The following CADPS variants were observed in gnomAD, a reference collection of about 807,000 sequenced individuals.
CADPS encodes calcium dependent secretion activator.
In CADPS, 57 loss-of-function variants were observed where a neutral mutation model predicts 167.3. That is an observed-to-expected ratio of 0.34 (90% confidence interval 0.28 to 0.42). The LOEUF (loss-of-function observed/expected upper bound fraction) is 0.42, where lower values mean the gene tolerates loss of function less well. Ranked by LOEUF, CADPS falls within the 20% of genes least tolerant of loss-of-function variation. The pLI, the probability that CADPS is intolerant of heterozygous loss-of-function variation, is 1.00. For synonymous variants in CADPS, 676 were observed against 635.3 expected (o/e 1.06, Z -0.96); for missense variants, 1,414 against 1,738.1 (o/e 0.81, Z 3.32).
intron 3 of CADPS, among the ~76,000 whole-genome samples, chr3:62,726,696 A>G (rs2076810872): frequency 6.6e-6 from 1 of 152,008 alleles, no homozygotes; most frequent in African/African-American, 2.4e-5. Context: ...ATAATAATAA[A>G]GGATTCCAGC....
intron 3 of CADPS, among the ~76,000 whole-genome samples, chr3:62,673,650 T>G (rs1276690297): frequency 6.6e-6 from 1 of 152,204 alleles, no homozygotes; most frequent in African/African-American, 2.4e-5. Flanking sequence ...TCAAAACTAG[T>G]AAAACATTGC....
chr3:62,658,138 G>A (rs2072186850), intron 4 of CADPS, among the ~76,000 whole-genome samples: 1 of 152,184 alleles, frequency 6.6e-6, no homozygotes. Flanking sequence ...GAAATAGCAT[G>A]AAACGTGGAA....
At chr3:62,761,363 AC>A (rs2085360041) in intron 2 of CADPS, among the ~76,000 whole-genome samples, 1 of 151,086 alleles carries the variant, frequency 6.6e-6, no homozygotes, top group South Asian at 2.2e-4. Flanking sequence ...TTATTAAAAA[AC>A]AAAACCAAAA....
chr3:62,419,846 A>G (rs1560130451), intron 28 of CADPS, among the ~76,000 whole-genome samples: 1 of 152,202 alleles, frequency 6.6e-6, no homozygotes, highest in Non-Finnish European at 1.5e-5. Context: ...GGAAAGATAA[A>G]GTGGAGTGCC....
intron 3 of CADPS, among the ~76,000 whole-genome samples, chr3:62,701,035 C>A (rs2081291296): frequency 6.6e-6 from 1 of 152,022 alleles, no homozygotes; most frequent in African/African-American, 2.4e-5. Context: ...TCTCTGGGGT[C>A]TCTCAGAAGG....
chr3:62,624,367 G>C (rs2063662796), intron 6 of CADPS, among the ~76,000 whole-genome samples: 1 of 152,052 alleles, frequency 6.6e-6, no homozygotes, highest in Non-Finnish European at 1.5e-5. Flanking sequence ...CCCAGTTCCA[G>C]CTGTTGGTGA....
chr3:62,599,840 T>TAATAAATAA (rs1415710693), intron 6 of CADPS, among the ~76,000 whole-genome samples: 2 of 11,144 alleles, frequency 1.8e-4, no homozygotes, highest in Non-Finnish European at 3.7e-4. Flanking sequence ...ATATAATATA[T>TAATAAATAA]TATATATATA....
In CADPS at chr3:62,578,074, T is replaced by C. The variant is rs147896856; in HGVS notation, c.1577+7111A>G. On this transcript the variant is annotated intron_variant, in intron 8 of 29. Coordinates refer to ENST00000383710, the MANE Select transcript of CADPS (RefSeq NM_003716.4). ...AACTAAAAGGCAAGGATCTTCAAAT[T>C]TGAGTTAAAAAGTTAGACCTCACTC... is the stretch of plus-strand genomic sequence containing the variant. Among the ~76,000 whole-genome samples the C allele has an allele frequency of 6.6e-5, 10 of 152,132 alleles. No individual in the cohort carries two copies. In the East Asian group the frequency reaches 1.7e-3, roughly 26 times the overall value.
At chr3:62,684,997 T>A (rs2077749175) in intron 3 of CADPS, among the ~76,000 whole-genome samples, 1 of 151,068 alleles carries the variant, frequency 6.6e-6, no homozygotes, top group Non-Finnish European at 1.5e-5. Context: ...AGGGAAACTC[T>A]GTCCCTGAAC....
At chr3:62,615,589 C>T (rs1010960478) in intron 6 of CADPS, among the ~76,000 whole-genome samples, 18 of 152,132 alleles carry the variant, frequency 1.2e-4, no homozygotes, top group African/African-American at 2.2e-4. Context: ...TCTGGGACCC[C>T]GGTTTACACT....
intron 3 of CADPS, among the ~76,000 whole-genome samples, chr3:62,744,667 C>T (rs2081075216): frequency 6.6e-6 from 1 of 152,134 alleles, no homozygotes; most frequent in Non-Finnish European, 1.5e-5. Context: ...GAAAGTATAC[C>T]TCTTTAACAT....
intron 3 of CADPS, among the ~76,000 whole-genome samples, chr3:62,712,012 T>C (rs2083485894): frequency 6.6e-6 from 1 of 152,216 alleles, no homozygotes; most frequent in Non-Finnish European, 1.5e-5. Context: ...CTTTAAAATA[T>C]ATATTTTGAC....
intron 26 of CADPS, among the ~76,000 whole-genome samples, chr3:62,448,195 C>T (rs2057503818): frequency 6.6e-6 from 1 of 152,150 alleles, no homozygotes; most frequent in Non-Finnish European, 1.5e-5. Context: ...GTGGTCAGAG[C>T]AGGTGCTAGC....
At chr3:62,652,927 C>T (rs560430986) in intron 4 of CADPS, among the ~76,000 whole-genome samples, 30 of 152,268 alleles carry the variant, frequency 2.0e-4, no homozygotes, top group African/African-American at 4.6e-4. Context: ...CAGTCAAATA[C>T]GGAGAGTGCT....
chr3:62,623,610 C>T (rs1056740047), intron 6 of CADPS, among the ~76,000 whole-genome samples: 1 of 152,144 alleles, frequency 6.6e-6, no homozygotes, highest in Non-Finnish European at 1.5e-5. Context: ...AGTCCTTCTG[C>T]ATGCTAGCTG....
At chr3:62,443,474 C>G (rs2056696927) in intron 27 of CADPS, among the ~76,000 whole-genome samples, 1 of 152,114 alleles carries the variant, frequency 6.6e-6, no homozygotes, top group Non-Finnish European at 1.5e-5. Context: ...TATGGTTTGG[C>G]TGTGTCCCCA....
rs145567896 is a variant in CADPS at position 62,563,263 on chromosome 3, T to C, written c.1645-5750A>G. ...ATTGTGGAGTGGCAAAAACAAACAT[T>C]TGGAGTTACAAATCCTTCAACTACT... On this transcript the variant is annotated intron_variant, in intron 9 of 29. Transcript: ENST00000383710. Among the ~76,000 whole-genome samples the C allele has an allele frequency of 5.8e-3, 880 of 152,304 alleles. 8 individuals carry two copies. Among genetic ancestry groups the C allele is most frequent in the African/African-American group, 0.019 (806 of 41,574 alleles).
At chr3:62,677,723 T>C (rs1345352650) in intron 3 of CADPS, among the ~76,000 whole-genome samples, 2 of 152,138 alleles carry the variant, frequency 1.3e-5, no homozygotes, top group African/African-American at 2.4e-5. Flanking sequence ...AAACTGACAA[T>C]GGAGGCTTAA....
At chr3:62,534,096 G>C (rs1325323338) in intron 12 of CADPS, among the ~76,000 whole-genome samples, 1 of 152,204 alleles carries the variant, frequency 6.6e-6, no homozygotes, top group East Asian at 1.9e-4. Flanking sequence ...CCCTTAAGCA[G>C]AGCCTGAAAT....
Sources: gnomAD v4.1 joint callset for allele counts (sites outside exome capture counted in the v4.1 genomes callset) on GRCh38, gnomAD v4.1.1 for gene constraint, MANE v1.5 for transcripts, NCBI Gene and HGNC (gene_info 2026-07-23, HGNC 2026-07-21) for gene names.